The following PRKG1 variants were observed in gnomAD, a reference collection of about 807,000 sequenced individuals.
The protein encoded by PRKG1 is cGMP-dependent protein kinase 1.
In PRKG1, 35 loss-of-function variants were observed where a neutral mutation model predicts 88.1. That is an observed-to-expected ratio of 0.40 (90% CI 0.30 to 0.53). The LOEUF is 0.53. Ranked by LOEUF, PRKG1 falls within the 20% of genes least tolerant of loss-of-function variation. The pLI, the probability that PRKG1 is intolerant of heterozygous loss-of-function variation, is 0.59. For missense variants in PRKG1, 540 were observed against 839.8 expected, an observed-to-expected ratio of 0.64 and a Z score of 4.41; for synonymous variants, 303 against 292.5, an observed-to-expected ratio of 1.04 and a Z score of -0.37.
chr10:51,896,145 TA>T lies in PRKG1; in HGVS notation c.699-11357del, dbSNP rs546502778. The stretch of plus-strand genomic sequence containing the variant: ...AAATCAAACACATATGATTTGATTT[TA>T]AAAATGAAGAAAAGGATATTTCCAG... On this transcript the variant is annotated intron_variant, in intron 4 of 17. Transcript: ENST00000373980. Among the ~76,000 whole-genome samples the T allele has an allele frequency of 1.4e-4, 21 of 152,254 alleles. No homozygotes were observed. In the East Asian group the frequency reaches 3.7e-3, roughly 27 times the overall value.
At chr10:52,014,926 G>A (rs1046148531) in intron 5 of PRKG1, among the ~76,000 whole-genome samples, 3 of 152,230 alleles carry the variant, frequency 2.0e-5, no homozygotes, top group Admixed American at 2.0e-4. Context: ...AAGGCCTGAG[G>A]CAGCTCTGCC....
At chr10:51,035,587 T>G (rs569664881) in intron 1 of PRKG1, among the ~76,000 whole-genome samples, 4 of 152,312 alleles carry the variant, frequency 2.6e-5, no homozygotes, top group African/African-American at 9.6e-5. Context: ...AGAGCGCTCC[T>G]TACTTAGCTC....
In PRKG1 at chr10:51,710,799, A is replaced by G. The variant is rs543320904; in HGVS notation, c.593-93786A>G. On this transcript the variant is annotated intron_variant, in intron 3 of 17. Transcript: ENST00000373980. ...TTGCTAACCGGGGACAGTAGAGTCAATGTGCCTGTTGATGCCATGATATAT... is the reference window on the plus strand; with the variant it reads ...TTGCTAACCGGGGACAGTAGAGTCAGTGTGCCTGTTGATGCCATGATATAT... Among the ~76,000 whole-genome samples, 17 of 152,204 alleles carry G rather than the reference A, an allele frequency of 1.1e-4. 1 individual carries two copies. In the East Asian group the frequency reaches 3.1e-3, roughly 28 times the overall value.
At chr10:51,628,003 TC>T (rs1839402201) in intron 3 of PRKG1, among the ~76,000 whole-genome samples, 1 of 49,554 alleles carries the variant, frequency 2.0e-5, no homozygotes, top group African/African-American at 5.4e-5. Flanking sequence ...TCTCTCTCTC[TC>T]TCTCTCTTTC....
At chr10:52,152,526 T>C (rs1837961895) in intron 8 of PRKG1, among the ~76,000 whole-genome samples, 1 of 151,972 alleles carries the variant, frequency 6.6e-6, no homozygotes, top group Non-Finnish European at 1.5e-5. Context: ...ACCTGAATGG[T>C]ACTGAGAAAA....
chr10:51,214,092 G>C (rs1838307707), intron 2 of PRKG1, among the ~76,000 whole-genome samples: 1 of 152,100 alleles, frequency 6.6e-6, no homozygotes, highest in African/African-American at 2.4e-5. Flanking sequence ...AAAGCACCTA[G>C]AGTTATTTCT....
intron 3 of PRKG1, among the ~76,000 whole-genome samples, chr10:51,730,970 A>G (rs1842258044): frequency 6.6e-6 from 1 of 152,164 alleles, no homozygotes; most frequent in Admixed American, 6.5e-5. Context: ...AGCCTGGCCA[A>G]CATGATGAAA....
At chr10:52,115,957 C>A (rs916128894) in intron 7 of PRKG1, among the ~76,000 whole-genome samples, 1 of 151,900 alleles carries the variant, frequency 6.6e-6, no homozygotes, top group Non-Finnish European at 1.5e-5. Flanking sequence ...AATCAGGCAG[C>A]GCCCTGAACC....
At chr10:52,212,259 G>C (rs1453913112) in intron 9 of PRKG1, among the ~76,000 whole-genome samples, 1 of 152,154 alleles carries the variant, frequency 6.6e-6, no homozygotes, top group Non-Finnish European at 1.5e-5. Flanking sequence ...TTGAGCAATC[G>C]GCCACCAGTG....
rs115100066 is a variant in PRKG1, at chr10:51,175,606, C to T, written c.478+22276C>T. On this transcript the variant is annotated intron_variant, in intron 2 of 17. Coordinates refer to ENST00000373980, the MANE Select transcript of PRKG1 (RefSeq NM_006258.4). ...TCAAGGCCAGAGTCAACACCATTTCCTCCATAAAATTCCTGAGATATATAT... is the reference window on the plus strand; with the variant it reads ...TCAAGGCCAGAGTCAACACCATTTCTTCCATAAAATTCCTGAGATATATAT... Among the ~76,000 whole-genome samples the T allele has an allele frequency of 4.9e-3, 743 of 152,118 alleles. 9 individuals carry two copies. Among genetic ancestry groups the T allele is most frequent in the African/African-American group, 0.017 (689 of 41,526 alleles).
intron 1 of PRKG1, among the ~76,000 whole-genome samples, chr10:51,139,604 C>T (rs558994495): frequency 6.6e-6 from 1 of 152,206 alleles, no homozygotes; most frequent in Non-Finnish European, 1.5e-5. Context: ...AAGCTGGAAA[C>T]CTGGGGTTGT....
chr10:51,497,623 TTGA>T (rs1226584424), intron 3 of PRKG1, among the ~76,000 whole-genome samples: 1 of 152,200 alleles, frequency 6.6e-6, no homozygotes, highest in Admixed American at 6.5e-5. Context: ...TGTGTCTGTG[TTGA>T]TATTTCTGAC....
intron 5 of PRKG1, among the ~76,000 whole-genome samples, chr10:52,044,018 T>C (rs1845810121): frequency 6.6e-6 from 1 of 151,876 alleles, no homozygotes; most frequent in Admixed American, 6.6e-5. Flanking sequence ...AGGCAGCCAG[T>C]GCTAGGTCAA....
intron 3 of PRKG1, among the ~76,000 whole-genome samples, chr10:51,719,156 A>AAAGAG (rs57226820): frequency 6.7e-6 from 1 of 150,216 alleles, no homozygotes; most frequent in South Asian, 2.1e-4. Flanking sequence ...TCTCAAAAAA[A>AAAGAG]AGAGAGAGAG....
intron 2 of PRKG1, among the ~76,000 whole-genome samples, chr10:51,243,661 A>G (rs185839606): frequency 4.4e-4 from 67 of 152,324 alleles, no homozygotes; most frequent in African/African-American, 1.5e-3. Context: ...TGGCATGGGC[A>G]GTTTCATTCC....
intron 4 of PRKG1, among the ~76,000 whole-genome samples, chr10:51,816,083 C>T (rs1446107198): frequency 6.6e-6 from 1 of 152,170 alleles, no homozygotes; most frequent in Non-Finnish European, 1.5e-5. Flanking sequence ...GAAAGTTAAT[C>T]ATAATTTATT....
Position 51,951,091 on chromosome 10 carries a change from G to A in PRKG1, c.762+43521G>A, listed in dbSNP as rs374858524. Among the ~76,000 whole-genome samples, 15 of 152,214 alleles carry A rather than the reference G, an allele frequency of 9.9e-5. No homozygotes were observed. In the East Asian group the frequency reaches 1.2e-3, roughly 12 times the overall value. On this transcript the variant is annotated intron_variant, in intron 5 of 17. Transcript: ENST00000373980. ...AGAAAAAAATCAGTCGGGGAAGGGTGGGCAACCAGGAACAGAAGTTATCCC... is the reference window on the plus strand; with the variant it reads ...AGAAAAAAATCAGTCGGGGAAGGGTAGGCAACCAGGAACAGAAGTTATCCC...
intron 4 of PRKG1, among the ~76,000 whole-genome samples, chr10:51,856,356 T>G (rs1212012141): frequency 6.6e-6 from 1 of 152,166 alleles, no homozygotes; most frequent in East Asian, 1.9e-4. Context: ...CATTTTCTAG[T>G]TAGGCAAAGA....
chr10:51,101,191 A>G (rs1241938781), intron 1 of PRKG1, among the ~76,000 whole-genome samples: 1 of 152,184 alleles, frequency 6.6e-6, no homozygotes, highest in Non-Finnish European at 1.5e-5. Flanking sequence ...TTAAGGTTAA[A>G]TGACATCATA....
Sources: allele counts gnomAD v4.1 joint callset (sites outside exome capture counted in the v4.1 genomes callset), GRCh38; gene constraint gnomAD v4.1.1; transcripts MANE v1.5; gene names NCBI Gene and HGNC (gene_info 2026-07-23, HGNC 2026-07-21).